Variants in BCAS3 observed in about 807,000 individuals in gnomAD.
The protein encoded by BCAS3 is BCAS3 microtubule associated cell migration factor.
A neutral mutation model predicts 116.1 loss-of-function variants in BCAS3; 53 were observed. The observed-to-expected ratio is 0.46, with a 90% CI of 0.37 to 0.57. The LOEUF is 0.57. Ranked by LOEUF, BCAS3 falls within the 20% of genes least tolerant of loss-of-function variation. The probability of loss-of-function intolerance (pLI) is 0.00; values close to 1 mark genes in which losing one functional copy is unlikely to be tolerated. For missense variants in BCAS3, 917 were observed against 1,165.4 expected, an observed-to-expected ratio of 0.79 and a Z score of 3.10; for synonymous variants, 391 against 408.2, an observed-to-expected ratio of 0.96 and a Z score of 0.51.
chr17:61,295,450 T>A (rs1196162778), intron 22 of BCAS3, among the ~76,000 whole-genome samples: 1 of 152,210 alleles, frequency 6.6e-6, no homozygotes, highest in African/African-American at 2.4e-5. Context: ...AAGGACAGAC[T>A]GAGAGAGTTT....
intron 6 of BCAS3, among the ~76,000 whole-genome samples, chr17:60,762,690 T>C (rs902430936): frequency 6.6e-6 from 1 of 152,208 alleles, no homozygotes. Flanking sequence ...GGGCTCTTTT[T>C]TGATTCCATA....
chr17:61,255,058 T>C (rs1013025080), intron 22 of BCAS3, among the ~76,000 whole-genome samples: 3 of 152,178 alleles, frequency 2.0e-5, no homozygotes. Flanking sequence ...TTCATTAATC[T>C]CAATTTGTTC....
At position 61,316,093 on chromosome 17, in the gene BCAS3, T is replaced by C. The variant is rs2054710992; in HGVS notation, c.2426-52234T>C. Among the ~76,000 whole-genome samples the C allele has an allele frequency of 6.6e-6, 1 of 152,006 alleles. No individual in the cohort carries two copies. The highest frequency in any genetic ancestry group is 6.6e-5 in the Admixed American group (1 of 15,266). On this transcript the variant is annotated intron_variant, in intron 22 of 23. Coordinates refer to ENST00000407086, the MANE Select transcript of BCAS3 (RefSeq NM_017679.5). This position sits in a 1 kb window ranked among gnomAD's most constrained non-coding sequence, Gnocchi z 5.8. ...GTCGAGGCAGGTGGATCACCTGAGG[T>C]CAGGAGTTCGAAACCAGCCTGGCCA... is the stretch of plus-strand genomic sequence containing the variant.
At chr17:61,038,460 G>A (rs946642233) in intron 18 of BCAS3, among the ~76,000 whole-genome samples, 5 of 151,360 alleles carry the variant, frequency 3.3e-5, no homozygotes, top group Non-Finnish European at 7.4e-5. Flanking sequence ...TCACCATGTT[G>A]GCCAGGATGG....
chr17:60,955,358 G>A (rs1046426474), intron 14 of BCAS3, among the ~76,000 whole-genome samples: 2 of 149,396 alleles, frequency 1.3e-5, no homozygotes, highest in Admixed American at 6.6e-5. Context: ...CCAGTAACTA[G>A]CTAAAGGATC....
chr17:60,867,063 A>G (rs1412318957), intron 7 of BCAS3, among the ~76,000 whole-genome samples: 1 of 151,386 alleles, frequency 6.6e-6, no homozygotes, highest in Non-Finnish European at 1.5e-5. Context: ...CTATCAATTT[A>G]GAGGTCTTTT....
In BCAS3 at chr17:61,367,145, C is replaced by A. The variant is rs920552274; in HGVS notation, c.2426-1182C>A. 6.6e-6 allele frequency among the ~76,000 whole-genome samples: 1 copy of A among 152,208 alleles called. No individual in the cohort carries two copies. The highest frequency in any genetic ancestry group is 1.5e-5 in the Non-Finnish European group (1 of 68,042). ...CTGACGGCTGATCAAAGAGGAGAAGCAAGGCCTGATAAAGAGTGCGTGTTT... is the reference window on the plus strand; with the variant it reads ...CTGACGGCTGATCAAAGAGGAGAAGAAAGGCCTGATAAAGAGTGCGTGTTT... On this transcript the variant is annotated intron_variant, in intron 22 of 23. Transcript: ENST00000407086. This position sits in a 1 kb window ranked among gnomAD's most constrained non-coding sequence, Gnocchi z 6.2.
intron 15 of BCAS3, among the ~76,000 whole-genome samples, chr17:60,996,797 A>T (rs993516067): frequency 7.2e-5 from 11 of 152,228 alleles, no homozygotes; most frequent in Non-Finnish European, 1.2e-4. Context: ...TTAAGTAGCC[A>T]GTGACATACA....
In BCAS3 at chr17:61,078,223, A is replaced by T. The variant is rs910840542; in HGVS notation, c.2131-110A>T. On this transcript the variant is annotated intron_variant, in intron 20 of 23. Transcript: ENST00000407086. Reference sequence around the variant, plus strand: ...GGGTGTCCTATCCCTTTGCCACTTTAACATGGGCTTCTTGAAGAATGTGGG... The same window carrying T: ...GGGTGTCCTATCCCTTTGCCACTTTTACATGGGCTTCTTGAAGAATGTGGG... 3.6e-6 allele frequency: 3 copies of T among 830,862 alleles called. No individual in the cohort carries two copies. The African/African-American group carries it at 5.1e-5, about 14-fold the overall frequency. The allele number at this position is 830,862 out of a possible 1,614,324, so 51.5% of individuals were successfully genotyped here.
chr17:61,187,775 T>C (rs1184934693), intron 22 of BCAS3, among the ~76,000 whole-genome samples: 2 of 152,086 alleles, frequency 1.3e-5, no homozygotes, highest in Non-Finnish European at 2.9e-5. Context: ...AGGTTAAGAG[T>C]GGATGGGGTC....
rs548373431 is a variant in BCAS3, at chr17:61,206,261, T to C, written c.2425+121697T>C. On this transcript the variant is annotated intron_variant, in intron 22 of 23. Coordinates refer to ENST00000407086, the MANE Select transcript of BCAS3 (RefSeq NM_017679.5). ...ACCCTAATTAAACACAGTGGAACCATTGCCTTATGCACAGGGCAACCTCAG... is the reference window on the plus strand; with the variant it reads ...ACCCTAATTAAACACAGTGGAACCACTGCCTTATGCACAGGGCAACCTCAG... Among the ~76,000 whole-genome samples, 25 of 152,260 alleles carry C rather than the reference T, an allele frequency of 1.6e-4. 1 individual carries two copies. The South Asian group carries it at 5.0e-3, about 30-fold the overall frequency.
intron 22 of BCAS3, chr17:61,245,281 A>T (rs984834689): frequency 6.6e-6 from 1 of 152,202 alleles, no homozygotes. Flanking sequence ...TGATTCAATT[A>T]TCTCCACCTG....
At chr17:60,926,984 A>T (rs1340352860) in intron 13 of BCAS3, among the ~76,000 whole-genome samples, 1 of 152,208 alleles carries the variant, frequency 6.6e-6, no homozygotes, top group African/African-American at 2.4e-5. Flanking sequence ...ATTTTGTGAC[A>T]ATCATTTGTT....
At chr17:60,767,388 A>AGGC (rs2044224700) in intron 6 of BCAS3, among the ~76,000 whole-genome samples, 1 of 123,020 alleles carries the variant, frequency 8.1e-6, no homozygotes, top group South Asian at 2.6e-4. Context: ...TCTGTCACCC[A>AGGC]GGCTGGAGTG....
intron 22 of BCAS3, among the ~76,000 whole-genome samples, chr17:61,089,459 C>T (rs2073346432): frequency 7.5e-6 from 1 of 132,702 alleles, no homozygotes; most frequent in Non-Finnish European, 1.6e-5. Context: ...TGTTCATGGA[C>T]TGGGGGAAGA....
chr17:60,874,603 C>A, intron 8 of BCAS3, 59 bp from the exon 9 acceptor site: 2 of 1,232,246 alleles, frequency 1.6e-6, no homozygotes, highest in Non-Finnish European at 2.4e-6. Context: ...TCTGATTCCA[C>A]TTACAGAATT....
At chr17:61,322,247 C>A (rs922472332) in intron 22 of BCAS3, among the ~76,000 whole-genome samples, 10 of 152,202 alleles carry the variant, frequency 6.6e-5, no homozygotes, top group African/African-American at 2.4e-4. Context: ...CTTATTTCCT[C>A]AGATTAGTAT....
chr17:60,913,446 TTCTG>T (rs1485162653), intron 12 of BCAS3, among the ~76,000 whole-genome samples: 5 of 152,150 alleles, frequency 3.3e-5, no homozygotes, highest in Non-Finnish European at 7.4e-5. Context: ...TGCAGTATAA[TTCTG>T]TCTTTTAATT....
Position 61,095,279 on chromosome 17 carries a change from C to T in BCAS3, c.2425+10715C>T, listed in dbSNP as rs2073893834. 6.6e-6 allele frequency among the ~76,000 whole-genome samples: 1 copy of T among 152,118 alleles called. No individual in the cohort carries two copies. Among genetic ancestry groups the T allele is most frequent in the South Asian group, 2.1e-4 (1 of 4,820 alleles). On this transcript the variant is annotated intron_variant, in intron 22 of 23. Coordinates refer to ENST00000407086, the MANE Select transcript of BCAS3 (RefSeq NM_017679.5). The surrounding 1 kb of genome is among the most constrained non-coding windows in gnomAD (Gnocchi z 4.7). ...TAGCTGTTGTCTATTAGAGGATTTT[C>T]TCTTAAAAATGTTACTTTTCTCACT...
Sources: gnomAD v4.1 joint callset for allele counts (sites outside exome capture counted in the v4.1 genomes callset) on GRCh38, gnomAD v4.1.1 for gene constraint, Gnocchi (gnomAD v3.1) non-coding constraint, MANE v1.5 for transcripts, NCBI Gene and HGNC (gene_info 2026-07-23, HGNC 2026-07-21) for gene names.